Variants in MYO1H observed in about 807,000 individuals in gnomAD.
MYO1H encodes the protein myosin IH.
MYO1H carries 118 observed loss-of-function variants against 149.3 expected under a neutral mutation model. That is an observed-to-expected ratio of 0.79 (90% CI 0.68 to 0.92). The LOEUF is 0.92. MYO1H is among the 40% of genes least tolerant of loss of function. The pLI is 0.00. For missense variants in MYO1H, 1,212 were observed against 1,280.7 expected (o/e 0.95, Z 0.82); for synonymous variants, 447 against 465.2 (o/e 0.96, Z 0.50).
chr12:109,350,481 C>T (rs750002271), intron 1 of MYO1H, among the ~76,000 whole-genome samples: 5 of 152,180 alleles, frequency 3.3e-5, no homozygotes, highest in Non-Finnish European at 5.9e-5. Context: ...TCTTCTCTGC[C>T]GCCATGTGAG....
Position 109,404,028 on chromosome 12 carries a change from AAACTGTTTCC to A in MYO1H, c.801_810del (p.Val268ProfsTer49), listed in dbSNP as rs1373473448. 6 of 1,613,756 alleles carry A rather than the reference AAACTGTTTCC, an allele frequency of 3.7e-6. No homozygotes were observed. Among genetic ancestry groups the A allele is most frequent in the Non-Finnish European group, 5.1e-6 (6 of 1,179,870 alleles). On this transcript the variant is annotated frameshift_variant, in exon 7 of 32. Coordinates refer to ENST00000310903, the Ensembl canonical transcript of MYO1H. LOFTEE classifies it high-confidence loss of function. ...TCCATTAGTGACAAGAATGACTGGAAAACTGTTTCCAACGCCTTTTCTGTCATTGATTTTA... is the reference window on the plus strand; with the variant it reads ...TCCATTAGTGACAAGAATGACTGGAAAACGCCTTTTCTGTCATTGATTTTA...
At chr12:109,423,105 ATT>A (rs1033541003) in intron 16 of MYO1H, among the ~76,000 whole-genome samples, 10 of 151,950 alleles carry the variant, frequency 6.6e-5, no homozygotes, top group African/African-American at 2.4e-4. Flanking sequence ...AGAAAAAAAA[ATT>A]TTTTTGAGAT....
intron 1 of MYO1H, among the ~76,000 whole-genome samples, chr12:109,382,368 A>G (rs1869220789): frequency 6.6e-6 from 1 of 152,212 alleles, no homozygotes; most frequent in Admixed American, 6.5e-5. Flanking sequence ...CAGATTGTCC[A>G]ATTTTCTCTA....
At chr12:109,360,883 T>C (rs1868729445) in intron 1 of MYO1H, among the ~76,000 whole-genome samples, 3 of 152,154 alleles carry the variant, frequency 2.0e-5, no homozygotes, top group Non-Finnish European at 4.4e-5. Context: ...AATCTACACT[T>C]TTTGAAGGTA....
intron 14 of MYO1H, among the ~76,000 whole-genome samples, chr12:109,412,529 T>C (rs377268803): frequency 1.3e-5 from 2 of 152,196 alleles, no homozygotes; most frequent in East Asian, 1.9e-4. Flanking sequence ...GACATGTCTA[T>C]GTACATGAAA....
chr12:109,432,586 C>T (rs544287893), intron 19 of MYO1H, among the ~76,000 whole-genome samples: 7 of 152,240 alleles, frequency 4.6e-5, no homozygotes, highest in Admixed American at 1.3e-4. Flanking sequence ...TATGAATGTT[C>T]GGACACCTTT....
intron 1 of MYO1H, among the ~76,000 whole-genome samples, chr12:109,370,782 C>T (rs1317385459): frequency 1.3e-5 from 2 of 152,156 alleles, no homozygotes; most frequent in Non-Finnish European, 2.9e-5. Context: ...TTTATTCACT[C>T]ATTTGACAAA....
chr12:109,441,845 G>A (rs945458407), intron 26 of MYO1H, 137 bp downstream of exon 26: 17 of 602,360 alleles, frequency 2.8e-5, no homozygotes, highest in Middle Eastern at 2.6e-4. Flanking sequence ...TCAGGAGTTC[G>A]AGACCAGCCT....
At chr12:109,441,650 G>T (rs765738445) in exon 26 of MYO1H, 1 of 1,613,188 alleles carries the variant, frequency 6.2e-7, no homozygotes, top group Admixed American at 1.7e-5. Flanking sequence ...AAATCTTCAG[G>T]GGAAGGAAAG....
chr12:109,319,122 A>C, the MYO1H span, among the ~76,000 whole-genome samples: 1 of 151,904 alleles, frequency 6.6e-6, no homozygotes. Context: ...ATATTTGCAT[A>C]CTCATGTTCA....
chr12:109,424,674 CTG>C, intron 16 of MYO1H, 72 bp from the exon 17 acceptor site: 1 of 1,179,336 alleles, frequency 8.5e-7, no homozygotes, highest in Non-Finnish European at 1.2e-6. Context: ...CATGCACACT[CTG>C]TGAGCCGTCC....
At chr12:109,408,549 AAAT>A (rs2137060541) in intron 10 of MYO1H, among the ~76,000 whole-genome samples, 1 of 152,314 alleles carries the variant, frequency 6.6e-6, no homozygotes, top group African/African-American at 2.4e-5. Context: ...ATTTACGAAA[AAAT>A]ATAGCCCTTG....
chr12:109,407,758 T>C (rs1407889488), intron 9 of MYO1H, 36 bp from the exon 10 acceptor site: 1 of 1,601,116 alleles, frequency 6.2e-7, no homozygotes. Context: ...GCTTCTTTTT[T>C]CCACCTATAA....
At chr12:109,389,300 A>G (rs1208649938) in intron 2 of MYO1H, among the ~76,000 whole-genome samples, 1 of 152,136 alleles carries the variant, frequency 6.6e-6, no homozygotes, top group Non-Finnish European at 1.5e-5. Context: ...GTTGACATTG[A>G]TCAGCTCTGA....
rs1215101744 is a variant in MYO1H, at chr12:109,400,225, T to TTTGA, written c.571-867_571-864dup. ...AATTTAGGACCGTGACATATAGCACTTTGAACATCCTTGCACATGCCCTTT... is the reference window on the plus strand; with the variant it reads ...AATTTAGGACCGTGACATATAGCACTTTGATTGAACATCCTTGCACATGCCCTTT... On this transcript the variant is annotated intron_variant, in intron 5 of 31. Transcript: ENST00000310903. 9.7e-4 allele frequency among the ~76,000 whole-genome samples: 148 copies of TTTGA among 152,332 alleles called. 2 individuals are homozygous for TTTGA. Among genetic ancestry groups the TTTGA allele is most frequent in the African/African-American group, 4.1e-4 (17 of 41,580 alleles).
chr12:109,396,683 TAAGAA>T (rs1198547461), intron 4 of MYO1H, 101 bp downstream of exon 4: 24 of 995,074 alleles, frequency 2.4e-5, no homozygotes, highest in Non-Finnish European at 2.9e-5. Context: ...AGGTCACTGT[TAAGAA>T]AAGAGGTCAC....
In MYO1H at chr12:109,437,885, C is replaced by T. The variant is rs530723369; in HGVS notation, c.2210-651C>T. 1.1e-4 allele frequency among the ~76,000 whole-genome samples: 16 copies of T among 151,968 alleles called. No individual in the cohort carries two copies. In the East Asian group the frequency reaches 2.1e-3, roughly 20 times the overall value. On this transcript the variant is annotated intron_variant, in intron 22 of 31. Transcript: ENST00000310903. ...GGCAGATAACCTGAGGTCAGGAGTT[C>T]GAGATCAGCCTGCCCAACATGGCGA...
intron 26 of MYO1H, 46 bp from the exon 27 acceptor site, chr12:109,442,170 GA>G (rs771284212): frequency 2.6e-6 from 4 of 1,535,170 alleles, no homozygotes; most frequent in Non-Finnish European, 2.7e-6. Context: ...TTTTCCACAG[GA>G]TTGGTACTTT....
chr12:109,411,086 G>C (rs1319535533), intron 13 of MYO1H, among the ~76,000 whole-genome samples: 1 of 152,072 alleles, frequency 6.6e-6, no homozygotes, highest in African/African-American at 2.4e-5. Flanking sequence ...AGGTTGCAGT[G>C]AGCTGAGATC....
Sources: allele counts gnomAD v4.1 joint callset (sites outside exome capture counted in the v4.1 genomes callset), GRCh38; gene constraint gnomAD v4.1.1; transcripts MANE v1.5; gene names NCBI Gene and HGNC (gene_info 2026-07-23, HGNC 2026-07-21).